LTBP2: variants seen among roughly 807,000 people sequenced by gnomAD.
LTBP2 encodes the protein latent-transforming growth factor beta-binding protein 2.
Under a neutral mutation model 210.6 loss-of-function variants are expected in LTBP2, and 103 were observed. The ratio of observed to expected loss-of-function variants is 0.49; its 90% CI spans 0.42 to 0.58. LTBP2 has a LOEUF of 0.58. Among genes scored for constraint, LTBP2 ranks in the 20% least tolerant of loss-of-function variants. The pLI, the probability that LTBP2 is intolerant of heterozygous loss-of-function variation, is 0.00. For missense variants in LTBP2, 2,313 were observed against 2,494.5 expected (o/e 0.93, Z 1.55); for synonymous variants, 1,007 against 1,015.0 (o/e 0.99, Z 0.15).
chr14:74,504,633 G>T, intron 30 of LTBP2, 145 bp downstream of exon 30: 1 of 771,468 alleles, frequency 1.3e-6, no homozygotes, highest in Non-Finnish European at 2.3e-6. Context: ...CTAACACTCT[G>T]CAGGGAGTCA....
chr14:74,536,734 T>C (rs1246871439), intron 8 of LTBP2, among the ~76,000 whole-genome samples: 1 of 152,150 alleles, frequency 6.6e-6, no homozygotes, highest in Non-Finnish European at 1.5e-5. Flanking sequence ...TAATCCCAGC[T>C]ACTCAGGAGG....
At chr14:74,547,525 T>A (rs969046253) in intron 8 of LTBP2, among the ~76,000 whole-genome samples, 2 of 152,102 alleles carry the variant, frequency 1.3e-5, no homozygotes, top group Admixed American at 1.3e-4. Flanking sequence ...TGTTGGCAGC[T>A]GAGCCCACTC....
intron 2 of LTBP2, among the ~76,000 whole-genome samples, chr14:74,599,282 A>G (rs1409817902): frequency 6.6e-6 from 1 of 152,170 alleles, no homozygotes; most frequent in African/African-American, 2.4e-5. Flanking sequence ...GGAGTGGGAG[A>G]GTAACTTGCC....
At chr14:74,506,378 G>A (rs911773915) in intron 27 of LTBP2, among the ~76,000 whole-genome samples, 187 bp from the exon 28 acceptor site, 1 of 152,218 alleles carries the variant, frequency 6.6e-6, no homozygotes, top group Non-Finnish European at 1.5e-5. Flanking sequence ...AAGGAGAGGA[G>A]TGGCAGCAAA....
At position 74,544,050 on chromosome 14, in the gene LTBP2, A is replaced by T. The variant is rs561245617; in HGVS notation, c.1789+5813T>A. Among the ~76,000 whole-genome samples the T allele has an allele frequency of 2.3e-4, 35 of 152,312 alleles. No homozygotes were observed. In the South Asian group the frequency reaches 7.0e-3, roughly 31 times the overall value. The stretch of plus-strand genomic sequence containing the variant: ...CCCCTGCTGGGTTGGGAGGGTGCTC[A>T]CTTAAGCCTGAGGCACAATTCATTC... On this transcript the variant is annotated intron_variant, in intron 8 of 35. Coordinates refer to ENST00000261978, the MANE Select transcript of LTBP2 (RefSeq NM_000428.3).
At chr14:74,543,393 A>AC (rs1369535453) in intron 8 of LTBP2, among the ~76,000 whole-genome samples, 1 of 151,566 alleles carries the variant, frequency 6.6e-6, no homozygotes, top group Non-Finnish European at 1.5e-5. Flanking sequence ...AAAAAAAAAA[A>AC]AAAACAGTGA....
intron 3 of LTBP2, among the ~76,000 whole-genome samples, chr14:74,556,649 T>C (rs1207893578): frequency 6.6e-6 from 1 of 152,228 alleles, no homozygotes; most frequent in Non-Finnish European, 1.5e-5. Flanking sequence ...CCCCAGTAGC[T>C]AGGATTACAG....
chr14:74,555,966 G>A (rs1011576002), intron 3 of LTBP2, among the ~76,000 whole-genome samples: 34 of 152,192 alleles, frequency 2.2e-4, no homozygotes, highest in African/African-American at 7.2e-4. Context: ...AGCTCCTCTG[G>A]GCCCCAGGAC....
chr14:74,600,377 G>A (rs1461602878), intron 2 of LTBP2, among the ~76,000 whole-genome samples: 1 of 152,144 alleles, frequency 6.6e-6, no homozygotes, highest in African/African-American at 2.4e-5. Flanking sequence ...CGGCCAGGGA[G>A]AGAAATACCA....
intron 18 of LTBP2, among the ~76,000 whole-genome samples, chr14:74,513,754 A>C (rs1181530627): frequency 2.0e-5 from 3 of 152,218 alleles, no homozygotes; most frequent in Non-Finnish European, 4.4e-5. Context: ...GCAGTGAGCC[A>C]AGATCACACC....
At chr14:74,598,559 C>T (rs894193373) in intron 2 of LTBP2, among the ~76,000 whole-genome samples, 1 of 152,208 alleles carries the variant, frequency 6.6e-6, no homozygotes, top group Non-Finnish European at 1.5e-5. Flanking sequence ...CCCTCAAAAT[C>T]AAGGCCAAAC....
At chr14:74,505,354 C>T (rs569856190) in intron 28 of LTBP2, among the ~76,000 whole-genome samples, 180 bp from the exon 29 acceptor site, 46 of 152,330 alleles carry the variant, frequency 3.0e-4, no homozygotes, top group Admixed American at 2.0e-3. Flanking sequence ...ATCATCATCT[C>T]AAGAAATTGA....
Position 74,506,801 on chromosome 14 carries a change from G to T in LTBP2, c.3930C>A (p.Asp1310Glu), listed in dbSNP as rs2086992415. 4 of 1,614,090 alleles carry T rather than the reference G, an allele frequency of 2.5e-6. No homozygotes were observed. The highest frequency in any genetic ancestry group is 1.7e-6 in the Non-Finnish European group (2 of 1,180,028). Residue 1310 changes from aspartate to glutamate, a missense_variant, in exon 27 of 36, where the codon GAC (aspartate) becomes GAA (glutamate). Transcript: ENST00000261978. ...AGAAGCCGTGGCTGCCACACATGGT[G>T]TCGTTGGCGCACTCGTCTATGTCTG... ...DCIDIDECAN[D>E]TMCGSHGFCD...
chr14:74,563,690 T>A (rs188643234), intron 3 of LTBP2, among the ~76,000 whole-genome samples: 1 of 152,178 alleles, frequency 6.6e-6, no homozygotes, highest in Non-Finnish European at 1.5e-5. Context: ...AATTTAAGCA[T>A]CTATAAAGTT....
At position 74,514,466 on chromosome 14, in the gene LTBP2, G is replaced by A. The variant is rs549972211; in HGVS notation, c.2908+2356C>T. ...CAGCTTGCCAAGCTTCTGTTGGTTC[G>A]CTGGGAGAATCCTGGAGCTTCTCTA... On this transcript the variant is annotated intron_variant, in intron 18 of 35. Coordinates refer to ENST00000261978, the MANE Select transcript of LTBP2 (RefSeq NM_000428.3). Among the ~76,000 whole-genome samples, 19 of 152,330 alleles carry A rather than the reference G, an allele frequency of 1.2e-4. 3 individuals carry two copies. In the Middle Eastern group the frequency reaches 0.044, roughly 355 times the overall value.
chr14:74,516,519 A>G (rs1345961514), intron 18 of LTBP2, among the ~76,000 whole-genome samples: 1 of 152,186 alleles, frequency 6.6e-6, no homozygotes, highest in East Asian at 1.9e-4. Context: ...CCTCTGCCCC[A>G]TGAGAAGAGC....
intron 9 of LTBP2, 49 bp from the exon 10 acceptor site, chr14:74,532,597 T>C (rs769246390): frequency 6.2e-7 from 1 of 1,608,074 alleles, no homozygotes; most frequent in East Asian, 2.2e-5. Context: ...GGAGGCCTGA[T>C]GGAGCAGAGG....
intron 15 of LTBP2, among the ~76,000 whole-genome samples, chr14:74,524,094 A>G (rs2087241325): frequency 6.6e-6 from 1 of 151,792 alleles, no homozygotes; most frequent in African/African-American, 2.4e-5. Context: ...GGGGACACTC[A>G]TCCACATGCC....
chr14:74,566,790 G>A (rs549006281), intron 3 of LTBP2, among the ~76,000 whole-genome samples: 1 of 152,164 alleles, frequency 6.6e-6, no homozygotes, highest in Non-Finnish European at 1.5e-5. Flanking sequence ...CTGCTGCTGT[G>A]TCTGCTTGGC....
Sources: allele counts gnomAD v4.1 joint callset (sites outside exome capture counted in the v4.1 genomes callset), GRCh38; gene constraint gnomAD v4.1.1; transcripts MANE v1.5; gene names NCBI Gene and HGNC (gene_info 2026-07-23, HGNC 2026-07-21).